ISL1: variants seen among roughly 807,000 people sequenced by gnomAD.
ISL1 encodes ISL LIM homeobox 1.
In ISL1, 4 loss-of-function variants were observed where a neutral mutation model predicts 35.3. The ratio of observed to expected loss-of-function variants is 0.11; its 90% CI spans 0.06 to 0.26. The LOEUF (loss-of-function observed/expected upper bound fraction) is 0.26, where lower values mean the gene tolerates loss of function less well. ISL1 is among the 10% of genes least tolerant of loss of function. ISL1 has a pLI of 1.00. For missense variants in ISL1, 340 were observed against 472.8 expected, an observed-to-expected ratio of 0.72 and a Z score of 2.60; for synonymous variants, 186 against 172.3, an observed-to-expected ratio of 1.08 and a Z score of -0.62.
chr5:51,383,622 C>T lies in ISL1; in HGVS notation c.-50C>T. 6.7e-7 allele frequency: 1 copy of T among 1,484,372 alleles called. No individual in the cohort carries two copies. Among genetic ancestry groups the T allele is most frequent in the Non-Finnish European group, 9.4e-7 (1 of 1,061,464 alleles). 92.0% of individuals were successfully genotyped at this position (1,484,372 alleles called of 1,614,324 possible). On this transcript the variant is annotated 5_prime_UTR_variant, in exon 1 of 6. Transcript: ENST00000230658. ...CAGCATCCTCTCTGTGGGCTGTTCACCAACTGTACAACCACCATTTCACTG... is the reference window on the plus strand; with the variant it reads ...CAGCATCCTCTCTGTGGGCTGTTCATCAACTGTACAACCACCATTTCACTG...
intron 5 of ISL1, among the ~76,000 whole-genome samples, chr5:51,392,173 A>T (rs1265094665): frequency 6.6e-6 from 1 of 152,236 alleles, no homozygotes; most frequent in Admixed American, 6.5e-5. Context: ...TTAATCTGTG[A>T]AAACCTTAAC....
At chr5:51,384,245 G>A (rs542014611) in intron 1 of ISL1, among the ~76,000 whole-genome samples, 6 of 140,980 alleles carry the variant, frequency 4.3e-5, no homozygotes, top group African/African-American at 1.0e-4. Context: ...AAAGAGGAAG[G>A]GGGGGGGGAG....
At chr5:51,388,199 A>G (rs562565103) in intron 3 of ISL1, among the ~76,000 whole-genome samples, 6 of 152,370 alleles carry the variant, frequency 3.9e-5, no homozygotes, top group African/African-American at 1.4e-4. Context: ...GAAGTCATTT[A>G]GTCTCCCAAA....
chr5:51,390,642 C>CTTTTTT lies in ISL1; in HGVS notation c.766-599_766-594dup, dbSNP rs57707586. ...TCCTTTTTTTCTTTTCTTTCTTTTT[C>CTTTTTT]TTTTTTTTTTTTTTTTTTTTTTTTT... On this transcript the variant is annotated intron_variant, in intron 4 of 5. Coordinates refer to ENST00000230658, the MANE Select transcript of ISL1 (RefSeq NM_002202.3). Among the ~76,000 whole-genome samples, 191 of 39,956 alleles carry CTTTTTT rather than the reference C, an allele frequency of 4.8e-3. 9 individuals carry two copies. Among genetic ancestry groups the CTTTTTT allele is most frequent in the Non-Finnish European group, 5.7e-3 (120 of 21,088 alleles). 26.2% of individuals were successfully genotyped at this position (39,956 alleles called of 152,430 possible). A position where few individuals can be genotyped will look rare whatever the true frequency, so the allele number is the denominator to read the frequency against.
At chr5:51,388,775 G>A (rs1292240112) in intron 3 of ISL1, among the ~76,000 whole-genome samples, 1 of 152,148 alleles carries the variant, frequency 6.6e-6, no homozygotes, top group Non-Finnish European at 1.5e-5. Flanking sequence ...AGTTTGCACC[G>A]GGGCACGGCT....
chr5:51,386,231 G>T (rs3792733), intron 2 of ISL1: 1 of 159,454 alleles, frequency 6.3e-6, no homozygotes, highest in Non-Finnish European at 1.4e-5. Flanking sequence ...TTCTAGAGAA[G>T]GAGAGCCCAC....
Position 51,383,519 on chromosome 5 carries a change from G to C in ISL1, c.-153G>C. 1.3e-6 allele frequency: 1 copy of C among 742,996 alleles called. No individual in the cohort carries two copies. The highest frequency in any genetic ancestry group is 1.5e-5 in the South Asian group (1 of 68,272). 46.0% of individuals were successfully genotyped at this position (742,996 alleles called of 1,614,324 possible). A position where few individuals can be genotyped will look rare whatever the true frequency, so the allele number is the denominator to read the frequency against. ...TTAAATTGGACTCCTAGATCCGCGA[G>C]GGCGCGGCGCAGCCGAGCAGCGGCT... On this transcript the variant is annotated 5_prime_UTR_variant, in exon 1 of 6. Coordinates refer to ENST00000230658, the MANE Select transcript of ISL1 (RefSeq NM_002202.3).
At position 51,391,385 on chromosome 5, in the gene ISL1, G is replaced by C; in HGVS notation, c.877G>C (p.Val293Leu). Residue 293 changes from valine to leucine, a missense_variant, in exon 5 of 6, where the codon GTA (valine) becomes CTA (leucine). Around this residue, in one of 7 missense-constraint regions of ISL1, gnomAD observed 104 missense variants for 97.3 expected, o/e 1.07. Transcript: ENST00000230658. The part of the protein sequence containing the change: ...EVQSYQPPWK[V>L]LSDFALQSDI... ...ACAAAGTTACCAGCCACCTTGGAAA[G>C]TACTGAGCGACTTCGCCTTGCAGAG... 1 of 1,614,222 alleles carries C rather than the reference G, an allele frequency of 6.2e-7. No individual in the cohort carries two copies. Among genetic ancestry groups the C allele is most frequent in the South Asian group, 1.1e-5 (1 of 91,084 alleles).
chr5:51,385,504 G>A (rs1171717546), intron 2 of ISL1, among the ~76,000 whole-genome samples: 5 of 151,984 alleles, frequency 3.3e-5, no homozygotes, highest in African/African-American at 9.7e-5. Context: ...GATAAAATGA[G>A]CGAATTGTCC....
chr5:51,393,176 G>C (rs115707314), intron 5 of ISL1, among the ~76,000 whole-genome samples: 1 of 152,124 alleles, frequency 6.6e-6, no homozygotes, highest in South Asian at 2.1e-4. Flanking sequence ...ATTTTATTTC[G>C]AGCATGCATA....
intron 1 of ISL1, among the ~76,000 whole-genome samples, chr5:51,384,045 C>T (rs565978024): frequency 6.6e-6 from 1 of 152,248 alleles, no homozygotes; most frequent in South Asian, 2.1e-4. Flanking sequence ...TGTGAATTAG[C>T]ATTAGACTTG....
At chr5:51,392,809 G>GT (rs1482929018) in intron 5 of ISL1, among the ~76,000 whole-genome samples, 1 of 152,148 alleles carries the variant, frequency 6.6e-6, no homozygotes, top group Non-Finnish European at 1.5e-5. Context: ...TACAACAGCA[G>GT]TACAATGCGT....
At position 51,387,097 on chromosome 5, in the gene ISL1, C is replaced by A. The variant is rs1423227311; in HGVS notation, c.219-393C>A. On this transcript the variant is annotated intron_variant, in intron 2 of 5. Transcript: ENST00000230658. The surrounding 1 kb of genome is among the most constrained non-coding windows in gnomAD (Gnocchi z 4.3). ...CACCAGAGTCTTTCTGGATTCCTTC[C>A]TGCCAAGATCTGCAAGATCAACACT... Among the ~76,000 whole-genome samples the A allele has an allele frequency of 1.3e-5, 2 of 151,630 alleles. No individual in the cohort carries two copies. The highest frequency in any genetic ancestry group is 2.4e-5 in the African/African-American group (1 of 41,230).
At position 51,389,571 on chromosome 5, in the gene ISL1, G is replaced by C. The variant is rs1275863506; in HGVS notation, c.479-75G>C. The stretch of plus-strand genomic sequence containing the variant: ...CGGGCGGGCGGGCAAGCGAGCGAGC[G>C]AGCGAGCGCGCGACCGCGGGCGGGC... On this transcript the variant is annotated intron_variant, in intron 3 of 5. Transcript: ENST00000230658. The surrounding 1 kb of genome is among the most constrained non-coding windows in gnomAD (Gnocchi z 5.0). 4 of 1,322,676 alleles carry C rather than the reference G, an allele frequency of 3.0e-6. No individual in the cohort carries two copies. Among genetic ancestry groups the C allele is most frequent in the African/African-American group, 1.6e-5 (1 of 63,988 alleles). The allele number at this position is 1,322,676 out of a possible 1,614,324, so 81.9% of individuals were successfully genotyped here. A position where few individuals can be genotyped will look rare whatever the true frequency, so the allele number is the denominator to read the frequency against.
intron 2 of ISL1, chr5:51,386,313 C>G (rs183442946): frequency 9.1e-5 from 22 of 242,122 alleles, no homozygotes; most frequent in East Asian, 9.0e-4. Context: ...GTGCCTAATT[C>G]TGGATACACA....
rs536231552 is a variant in ISL1, at chr5:51,394,582, A to C, written c.*972A>C. On this transcript the variant is annotated 3_prime_UTR_variant, in exon 6 of 6. Coordinates refer to ENST00000230658, the MANE Select transcript of ISL1 (RefSeq NM_002202.3). ...TTTGCTGAAGTGAAAAAAAAAGATAAAGGTTGTACGGTGGTCTTTGAATTA... is the reference window on the plus strand; with the variant it reads ...TTTGCTGAAGTGAAAAAAAAAGATACAGGTTGTACGGTGGTCTTTGAATTA... 1 of 152,716 alleles carries C rather than the reference A, an allele frequency of 6.5e-6. No individual in the cohort carries two copies. The highest frequency in any genetic ancestry group is 1.9e-4 in the East Asian group (1 of 5,186). The allele number at this position is 152,716 out of a possible 1,614,324, so 9.5% of individuals were successfully genotyped here.
chr5:51,383,682 T>C lies in ISL1; in HGVS notation c.11T>C (p.Met4Thr). The C allele has an allele frequency of 6.2e-7, 1 of 1,611,414 alleles. No individual in the cohort carries two copies. Among genetic ancestry groups the C allele is most frequent in the Non-Finnish European group, 8.5e-7 (1 of 1,177,482 alleles). ...CTCCCTCTTACAGATATGGGAGACA[T>C]GGGAGATCCACCAAAAAGTAAGAGG... is the stretch of plus-strand genomic sequence containing the variant. MGD[M>T]GDPPKKKRLI... The change falls in exon 1 of 6, where the codon ATG becomes ACG. Residue 4 changes from methionine (M) to threonine (T), a missense_variant. This residue lies in a region of ISL1 where 22 missense variants were observed against 18.4 expected (regional missense o/e 1.20). Transcript: ENST00000230658.
chr5:51,391,139 C>T (rs1268869213), intron 4 of ISL1, 135 bp from the exon 5 acceptor site: 8 of 787,294 alleles, frequency 1.0e-5, no homozygotes, highest in Non-Finnish European at 1.6e-5. Context: ...GTAGGTACGG[C>T]GGATTAACTG....
At chr5:51,390,002 G>C in intron 4 of ISL1, 70 bp downstream of exon 4, 2 of 1,544,924 alleles carry the variant, frequency 1.3e-6, no homozygotes, top group Non-Finnish European at 1.8e-6. Context: ...TGCGTTCCTG[G>C]TACGCAGGAT....
Sources: allele counts gnomAD v4.1 joint callset (sites outside exome capture counted in the v4.1 genomes callset), GRCh38; gene constraint gnomAD v4.1.1; regional missense constraint gnomAD v4.1.1; non-coding constraint Gnocchi (gnomAD v3.1); transcripts MANE v1.5; gene names NCBI Gene and HGNC (gene_info 2026-07-23, HGNC 2026-07-21).